Variants in LMNB1 observed in about 807,000 individuals in gnomAD.
The protein encoded by LMNB1 is lamin-B1.
In LMNB1, 23 loss-of-function variants were observed where a neutral mutation model predicts 67.1. That is an observed-to-expected ratio of 0.34 (90% CI 0.25 to 0.49). The LOEUF (loss-of-function observed/expected upper bound fraction) is 0.49. Among genes scored for constraint, LMNB1 ranks in the 20% least tolerant of loss-of-function variants. The probability of loss-of-function intolerance (pLI) is 0.99; values close to 1 mark genes in which losing one functional copy is unlikely to be tolerated. For synonymous variants in LMNB1, 281 were observed against 282.9 expected, an observed-to-expected ratio of 0.99 and a Z score of 0.07; for missense variants, 634 against 746.5, an observed-to-expected ratio of 0.85 and a Z score of 1.76.
At chr5:126,829,634 A>G (rs1328391361) in intron 9 of LMNB1, among the ~76,000 whole-genome samples, 1 of 151,718 alleles carries the variant, frequency 6.6e-6, no homozygotes, top group Non-Finnish European at 1.5e-5. Flanking sequence ...CCCACCAAAT[A>G]ATCTGATATT....
chr5:126,805,459 A>T (rs1751391299), intron 2 of LMNB1, 112 bp from the exon 3 acceptor site: 1 of 723,112 alleles, frequency 1.4e-6, no homozygotes, highest in African/African-American at 1.8e-5. Flanking sequence ...TTATACATTG[A>T]TAAATATATA....
chr5:126,801,695 A>G (rs1041499896), intron 1 of LMNB1, among the ~76,000 whole-genome samples: 14 of 152,240 alleles, frequency 9.2e-5, no homozygotes, highest in Non-Finnish European at 1.8e-4. Context: ...TGTTCCATAC[A>G]ATAACTTGTA....
rs1179726844 is a variant in LMNB1 at position 126,836,545 on chromosome 5, G to A, written c.*281G>A. ...ATTTTTTGACTTTTTTTGTATGTGT[G>A]TTTTTTCTTTTTTTTTAAGTTCTTA... On this transcript the variant is annotated 3_prime_UTR_variant, in exon 11 of 11. Coordinates refer to ENST00000261366, the MANE Select transcript of LMNB1 (RefSeq NM_005573.4). The A allele has an allele frequency of 2.9e-6, 1 of 349,860 alleles. No individual in the cohort carries two copies. The highest frequency in any genetic ancestry group is 5.1e-6 in the Non-Finnish European group (1 of 197,920). The allele number at this position is 349,860 out of a possible 1,614,324, so 21.7% of individuals were successfully genotyped here.
intron 5 of LMNB1, among the ~76,000 whole-genome samples, chr5:126,816,121 A>G (rs1751697170): frequency 6.6e-6 from 1 of 152,136 alleles, no homozygotes; most frequent in African/African-American, 2.4e-5. Context: ...TTTTGGAGAA[A>G]AAGAAAATAC....
At chr5:126,807,321 G>C (rs1290543979) in intron 3 of LMNB1, among the ~76,000 whole-genome samples, 1 of 152,192 alleles carries the variant, frequency 6.6e-6, no homozygotes, top group Non-Finnish European at 1.5e-5. Context: ...CATTGTAGCA[G>C]TTAGCAAACC....
intron 1 of LMNB1, among the ~76,000 whole-genome samples, chr5:126,795,263 T>C (rs1751058096): frequency 6.6e-6 from 1 of 151,948 alleles, no homozygotes; most frequent in Non-Finnish European, 1.5e-5. Context: ...TCAGTCTCTC[T>C]AGTAGCTGGG....
intron 9 of LMNB1, among the ~76,000 whole-genome samples, chr5:126,829,691 C>CA (rs1473469095): frequency 2.0e-5 from 3 of 152,012 alleles, no homozygotes; most frequent in Admixed American, 6.5e-5. Flanking sequence ...CCCTGTGAGG[C>CA]ACCCATCCTG....
At chr5:126,807,783 A>AG (rs1166400351) in intron 3 of LMNB1, among the ~76,000 whole-genome samples, 3 of 152,244 alleles carry the variant, frequency 2.0e-5, no homozygotes, top group Non-Finnish European at 4.4e-5. Flanking sequence ...TAATATTTTT[A>AG]GAGTGCATAG....
intron 5 of LMNB1, among the ~76,000 whole-genome samples, chr5:126,816,257 G>C (rs1426689375): frequency 1.3e-5 from 2 of 152,090 alleles, no homozygotes; most frequent in African/African-American, 4.8e-5. Context: ...AGGAGTGCCT[G>C]TCTAAATAGC....
chr5:126,836,232 A>G lies in LMNB1; in HGVS notation c.1729A>G (p.Arg577Gly), dbSNP rs1752245059. 1 of 1,609,778 alleles carries G rather than the reference A, an allele frequency of 6.2e-7. No homozygotes were observed. The highest frequency in any genetic ancestry group is 8.5e-7 in the Non-Finnish European group (1 of 1,176,292). The change falls in exon 11 of 11, where the codon AGA becomes GGA. Residue 577 changes from arginine to glycine, a missense_variant. Coordinates refer to ENST00000261366, the MANE Select transcript of LMNB1 (RefSeq NM_005573.4). ...EELFHQQGTP[R>G]ASNRSCAIM ...CTGTTTTCCTCATCAGGGAACCCCA[A>G]GAGCATCCAATAGAAGCTGTGCAAT...
intron 1 of LMNB1, among the ~76,000 whole-genome samples, chr5:126,792,944 G>A (rs1425937492): frequency 6.6e-6 from 1 of 152,122 alleles, no homozygotes; most frequent in Non-Finnish European, 1.5e-5. Context: ...TTTTTAGAGA[G>A]GCTAGAGGAG....
rs1751962424 is a variant in LMNB1 at position 126,824,943 on chromosome 5, CT to C, written c.1492-1044del. ...GCTCAAGTGATCTGCCCGCCTCGGC[CT>C]CCCAAAGTGCTGTGATTACAGGCTG... On this transcript the variant is annotated intron_variant, in intron 8 of 10. Transcript: ENST00000261366. 3.3e-5 allele frequency among the ~76,000 whole-genome samples: 5 copies of C among 151,178 alleles called. No individual in the cohort carries two copies. The South Asian group carries it at 1.0e-3, about 31-fold the overall frequency.
intron 3 of LMNB1, among the ~76,000 whole-genome samples, chr5:126,807,745 T>TA (rs1322446984): frequency 1.3e-5 from 2 of 152,256 alleles, no homozygotes; most frequent in South Asian, 2.1e-4. Context: ...TGGTTCTATA[T>TA]AAAAAATAGC....
chr5:126,802,416 G>A (rs1018880266), intron 1 of LMNB1, among the ~76,000 whole-genome samples: 32 of 152,078 alleles, frequency 2.1e-4, no homozygotes, highest in African/African-American at 7.5e-4. Flanking sequence ...TACAATAGCA[G>A]TTTTAAGAAC....
intron 1 of LMNB1, among the ~76,000 whole-genome samples, chr5:126,792,974 A>G (rs1751001115): frequency 1.3e-5 from 2 of 152,218 alleles, no homozygotes; most frequent in African/African-American, 4.8e-5. Flanking sequence ...TGCTTAGAAC[A>G]TTGTTGTAGA....
chr5:126,785,440 C>G (rs932940885), intron 1 of LMNB1, among the ~76,000 whole-genome samples: 1 of 151,434 alleles, frequency 6.6e-6, no homozygotes, highest in African/African-American at 2.4e-5. Flanking sequence ...TACAGGCACA[C>G]GCCACCACGT....
intron 1 of LMNB1, among the ~76,000 whole-genome samples, chr5:126,797,390 T>G (rs948889410): frequency 6.6e-6 from 1 of 152,212 alleles, no homozygotes; most frequent in African/African-American, 2.4e-5. Context: ...TCTCCTTATC[T>G]GGAATATAAA....
intron 1 of LMNB1, among the ~76,000 whole-genome samples, chr5:126,793,563 G>T (rs1473289654): frequency 6.6e-6 from 1 of 152,126 alleles, no homozygotes; most frequent in Non-Finnish European, 1.5e-5. Context: ...TGCCAGAGGA[G>T]ACCCTTGTTA....
intron 7 of LMNB1, among the ~76,000 whole-genome samples, chr5:126,821,449 T>C (rs562791204): frequency 2.6e-5 from 4 of 152,194 alleles, no homozygotes; most frequent in African/African-American, 9.6e-5. Flanking sequence ...CTAGCCAAAT[T>C]TGTGAAGAAG....
Sources: gnomAD v4.1 joint callset for allele counts (sites outside exome capture counted in the v4.1 genomes callset) on GRCh38, gnomAD v4.1.1 for gene constraint, MANE v1.5 for transcripts, NCBI Gene and HGNC (gene_info 2026-07-23, HGNC 2026-07-21) for gene names.